The following PCDHGB1 variants were observed in gnomAD, a reference collection of about 807,000 sequenced individuals.
The protein encoded by PCDHGB1 is protocadherin gamma-B1.
A neutral mutation model predicts 56.6 loss-of-function variants in PCDHGB1; 34 were observed. The ratio of observed to expected loss-of-function variants is 0.60; its 90% CI spans 0.46 to 0.80. The LOEUF (loss-of-function observed/expected upper bound fraction) is 0.80. PCDHGB1 is among the 30% of genes least tolerant of loss of function. The probability of loss-of-function intolerance (pLI) is 0.00; values close to 1 mark genes in which losing one functional copy is unlikely to be tolerated. For synonymous variants in PCDHGB1, 561 were observed against 505.9 expected, an observed-to-expected ratio of 1.11 and a Z score of -1.46; for missense variants, 1,278 against 1,204.6, an observed-to-expected ratio of 1.06 and a Z score of -0.90.
chr5:141,474,597 T>C (rs1454833258), intron 1 of PCDHGB1, among the ~76,000 whole-genome samples: 2 of 152,248 alleles, frequency 1.3e-5, no homozygotes, highest in Non-Finnish European at 2.9e-5. Flanking sequence ...CATGGAAATA[T>C]AGGTCACATA....
At chr5:141,403,425 T>C in intron 1 of PCDHGB1, 1 of 1,614,040 alleles carries the variant, frequency 6.2e-7, no homozygotes, top group South Asian at 1.1e-5. Context: ...CCAGAAGCTA[T>C]TGATCCGGAT....
At chr5:141,409,798 G>T (rs2095317053) in intron 1 of PCDHGB1, 1 of 1,611,672 alleles carries the variant, frequency 6.2e-7, no homozygotes, top group South Asian at 1.1e-5. Context: ...CGCTCACGCT[G>T]CAGGCCCGCG....
intron 1 of PCDHGB1, chr5:141,393,872 T>G (rs774307056): frequency 1.2e-6 from 2 of 1,613,898 alleles, no homozygotes; most frequent in Admixed American, 3.3e-5. Flanking sequence ...CGTCTTTGTT[T>G]AGCCCAGTGT....
Position 141,511,309 on chromosome 5 carries a change from G to C in PCDHGB1, c.*136G>C. The stretch of plus-strand genomic sequence containing the variant: ...GGGGCCAAGGCCATGCTCCCCTTGG[G>C]AAACAGAAACAAGTGCCCAGTCAGC... On this transcript the variant is annotated 3_prime_UTR_variant, in exon 4 of 4. Coordinates refer to ENST00000523390, the MANE Select transcript of PCDHGB1 (RefSeq NM_018922.3). 4.0e-6 allele frequency: 6 copies of C among 1,485,470 alleles called. No homozygotes were observed. Among genetic ancestry groups the C allele is most frequent in the Non-Finnish European group, 4.5e-6 (5 of 1,113,432 alleles). 92.0% of individuals were successfully genotyped at this position (1,485,470 alleles called of 1,614,324 possible).
At position 141,511,146 on chromosome 5, in the gene PCDHGB1, G is replaced by T; in HGVS notation, c.2757G>T (p.Lys919Asn). 1 of 1,614,208 alleles carries T rather than the reference G, an allele frequency of 6.2e-7. No individual in the cohort carries two copies. Among genetic ancestry groups the T allele is most frequent in the Non-Finnish European group, 8.5e-7 (1 of 1,180,018 alleles). The change falls in exon 4 of 4, where the codon AAG becomes AAT. Residue 919 changes from lysine to asparagine, a missense_variant. Lys to Asn is a moderately conservative substitution (Grantham distance 94). Coordinates refer to ENST00000523390, the MANE Select transcript of PCDHGB1 (RefSeq NM_018922.3). Reference protein sequence around the residue: ...KAPAGGNGNKKKSGKKEKK With the variant: ...KAPAGGNGNKNKSGKKEKK The stretch of plus-strand genomic sequence containing the variant: ...CAGCAGGTGGCAATGGCAACAAGAA[G>T]AAGTCGGGCAAGAAGGAGAAGAAGT...
At chr5:141,438,710 G>C (rs568772648) in intron 1 of PCDHGB1, among the ~76,000 whole-genome samples, 2 of 147,308 alleles carry the variant, frequency 1.4e-5, no homozygotes, top group South Asian at 4.3e-4. Context: ...ACCCAGGCTG[G>C]AGTGCAAGTG....
At chr5:141,389,122 A>G (rs2091613113) in intron 1 of PCDHGB1, 1 of 1,613,914 alleles carries the variant, frequency 6.2e-7, no homozygotes, top group Admixed American at 1.7e-5. Context: ...CGCGAGCAGA[A>G]TCCAGAGTAC....
intron 1 of PCDHGB1, chr5:141,364,717 C>A (rs1763499272): frequency 6.2e-7 from 1 of 1,613,970 alleles, no homozygotes; most frequent in Non-Finnish European, 8.5e-7. Flanking sequence ...TTAATGATAA[C>A]TTCCCGCGTT....
At chr5:141,409,104 T>C in intron 1 of PCDHGB1, 3 of 1,613,960 alleles carry the variant, frequency 1.9e-6, no homozygotes, top group Non-Finnish European at 2.5e-6. Context: ...ACAGGTATGA[T>C]TAAGAATAAC....
intron 2 of PCDHGB1, among the ~76,000 whole-genome samples, chr5:141,499,102 C>T (rs1172661012): frequency 1.3e-5 from 2 of 152,170 alleles, no homozygotes; most frequent in Admixed American, 6.5e-5. Context: ...TGCTTCTCCT[C>T]CCCACCACTA....
intron 1 of PCDHGB1, chr5:141,372,072 C>G: frequency 1.2e-6 from 2 of 1,613,664 alleles, no homozygotes; most frequent in Non-Finnish European, 1.7e-6. Context: ...CGACAATGCA[C>G]CGCTGGTGCT....
chr5:141,413,895 T>A (rs749075692), intron 1 of PCDHGB1: 2 of 1,613,308 alleles, frequency 1.2e-6, no homozygotes, highest in South Asian at 2.2e-5. Flanking sequence ...TCGATGCAAA[T>A]GACAACGCGC....
intron 1 of PCDHGB1, chr5:141,393,162 T>C (rs771570808): frequency 3.1e-6 from 5 of 1,613,142 alleles, no homozygotes; most frequent in Admixed American, 1.7e-5. Context: ...AGGAAAACTC[T>C]TTGGGGTAGA....
At chr5:141,407,559 G>A (rs1210777840) in intron 1 of PCDHGB1, among the ~76,000 whole-genome samples, 1 of 151,834 alleles carries the variant, frequency 6.6e-6, no homozygotes, top group African/African-American at 2.4e-5. Context: ...TAGAACATAA[G>A]CTGAAAGATA....
intron 1 of PCDHGB1, among the ~76,000 whole-genome samples, chr5:141,434,579 A>T (rs931282309): frequency 6.6e-6 from 1 of 152,232 alleles, no homozygotes; most frequent in African/African-American, 2.4e-5. Context: ...CCTGCTGCAG[A>T]TAACTACCTC....
intron 2 of PCDHGB1, among the ~76,000 whole-genome samples, chr5:141,500,333 A>G (rs1237684682): frequency 6.6e-6 from 1 of 151,336 alleles, no homozygotes; most frequent in Non-Finnish European, 1.5e-5. Context: ...CTCAGCCTCC[A>G]GAATAGCTGG....
At chr5:141,442,033 G>T (rs2098292928) in intron 1 of PCDHGB1, 1 of 209,534 alleles carries the variant, frequency 4.8e-6, no homozygotes, top group Non-Finnish European at 9.8e-6. Context: ...AAAGCGACTC[G>T]CCAGCGCCTA....
intron 1 of PCDHGB1, chr5:141,364,981 C>T (rs756594174): frequency 4.3e-6 from 7 of 1,613,884 alleles, no homozygotes; most frequent in Non-Finnish European, 5.9e-6. Context: ...CTTTAGATGG[C>T]GGAGACCCGG....
chr5:141,367,687 T>G (rs1765289006), intron 1 of PCDHGB1: 1 of 152,072 alleles, frequency 6.6e-6, no homozygotes, highest in African/African-American at 2.4e-5. Flanking sequence ...AGAGAAGAAA[T>G]CAGTGTAAAG....
Sources: allele counts gnomAD v4.1 joint callset (sites outside exome capture counted in the v4.1 genomes callset), GRCh38; gene constraint gnomAD v4.1.1; transcripts MANE v1.5; gene names NCBI Gene and HGNC (gene_info 2026-07-23, HGNC 2026-07-21).